PIAS3: variants seen among roughly 807,000 people sequenced by gnomAD.
The protein encoded by PIAS3 is E3 SUMO-protein ligase PIAS3.
A neutral mutation model predicts 67.6 loss-of-function variants in PIAS3; 34 were observed. That is an observed-to-expected ratio of 0.50 (90% CI 0.38 to 0.67). The LOEUF (loss-of-function observed/expected upper bound fraction) is 0.67. Ranked by LOEUF, PIAS3 falls within the 30% of genes least tolerant of loss-of-function variation. The pLI is 0.00. For missense variants in PIAS3, 693 were observed against 791.6 expected (o/e 0.88, Z 1.49); for synonymous variants, 341 against 313.8 (o/e 1.09, Z -0.92).
chr1:145,853,650 G>A lies in PIAS3; in HGVS notation c.999C>T (p.Arg333=). ...VSLMCPLGKM[R]LTVPCRALTC... Reference sequence around the variant, plus strand: ...TGAGGGCACGACAAGGGACAGTCAGGCGCATCTTCCCTAGCTGAGGAGAAG... The same window carrying A: ...TGAGGGCACGACAAGGGACAGTCAGACGCATCTTCCCTAGCTGAGGAGAAG... Residue 333 remains arginine (R), a synonymous_variant, in exon 9 of 14, where the codon CGC becomes CGT. Coordinates refer to ENST00000393045, the MANE Select transcript of PIAS3 (RefSeq NM_006099.3). 1 of 1,613,870 alleles carries A rather than the reference G, an allele frequency of 6.2e-7. No individual in the cohort carries two copies. The highest frequency in any genetic ancestry group is 8.5e-7 in the Non-Finnish European group (1 of 1,179,890).
chr1:145,850,429 T>A (rs782394470), intron 12 of PIAS3, 24 bp downstream of exon 12: 1 of 1,613,458 alleles, frequency 6.2e-7, no homozygotes, highest in Non-Finnish European at 8.5e-7. Flanking sequence ...CAGTGCAGGG[T>A]CCATCTTATG....
chr1:145,852,923 G>A (rs1264295406), intron 9 of PIAS3, among the ~76,000 whole-genome samples: 1 of 152,090 alleles, frequency 6.6e-6, no homozygotes, highest in African/African-American at 2.4e-5. Flanking sequence ...GATAACTCAT[G>A]CAAAGTGCTC....
In PIAS3 at chr1:145,855,070, G is replaced by A. The variant is rs1653112578; in HGVS notation, c.670-190C>T. Among the ~76,000 whole-genome samples the A allele has an allele frequency of 2.0e-5, 3 of 152,194 alleles. No homozygotes were observed. The South Asian group carries it at 6.2e-4, about 31-fold the overall frequency. Reference sequence around the variant, plus strand: ...GGAGCACTGTCTAGGGTTATGTGTGGGGTTCACTCCTGGGGAGAAAGGAGA... The same window carrying A: ...GGAGCACTGTCTAGGGTTATGTGTGAGGTTCACTCCTGGGGAGAAAGGAGA... On this transcript the variant is annotated intron_variant, in intron 5 of 13. Transcript: ENST00000393045.
At position 145,849,479 on chromosome 1, in the gene PIAS3, A is replaced by G; in HGVS notation, c.1854T>C (p.Thr618=). The change falls in exon 14 of 14, where the codon ACT becomes ACC. Residue 618 remains threonine (T), a synonymous_variant. Transcript: ENST00000393045. ...GGPLPSGPSL[T]GCRSDIISLD ...GGGAAATGATGTCTGACCGACAGCC[A>G]GTCAAAGAGGGACCTGAGGGCAGGG... The G allele has an allele frequency of 6.6e-7, 1 of 1,512,896 alleles. No homozygotes were observed. Among genetic ancestry groups the G allele is most frequent in the Non-Finnish European group, 8.8e-7 (1 of 1,134,216 alleles). The allele number at this position is 1,512,896 out of a possible 1,614,324, so 93.7% of individuals were successfully genotyped here.
chr1:145,857,461 G>C (rs1337300143), intron 1 of PIAS3: 1 of 167,012 alleles, frequency 6.0e-6, no homozygotes, highest in Admixed American at 5.7e-5. Context: ...AGAGACAAGA[G>C]GATTCAAGCC....
At chr1:145,852,528 C>T (rs1553734594) in intron 9 of PIAS3, among the ~76,000 whole-genome samples, 2 of 151,994 alleles carry the variant, frequency 1.3e-5, no homozygotes, top group East Asian at 1.9e-4. Context: ...AATGATACTA[C>T]CTATCTCATA....
At chr1:145,857,147 C>G (rs1350034328) in intron 1 of PIAS3, 141 bp from the exon 2 acceptor site, 1 of 750,042 alleles carries the variant, frequency 1.3e-6, no homozygotes, top group African/African-American at 1.8e-5. Context: ...TAGTGGATTA[C>G]TGCCAGGTAG....
At chr1:145,855,298 A>G (rs1449018668) in intron 5 of PIAS3, among the ~76,000 whole-genome samples, 1 of 152,090 alleles carries the variant, frequency 6.6e-6, no homozygotes, top group Admixed American at 6.5e-5. Context: ...CCTAGCTAAC[A>G]TGGTAAAACT....
Position 145,851,683 on chromosome 1 carries a change from G to A in PIAS3, c.1146-530C>T, listed in dbSNP as rs587655508. Among the ~76,000 whole-genome samples the A allele has an allele frequency of 3.3e-4, 49 of 148,928 alleles. No individual in the cohort carries two copies. In the South Asian group the frequency reaches 8.5e-3, roughly 26 times the overall value. On this transcript the variant is annotated intron_variant, in intron 9 of 13. Transcript: ENST00000393045. Reference sequence around the variant, plus strand: ...AAAAAAAAAAAAAAAAAAAGCCGGCGTGGTGGCTCACGCCTATAATCACAC... The same window carrying A: ...AAAAAAAAAAAAAAAAAAAGCCGGCATGGTGGCTCACGCCTATAATCACAC...
chr1:145,857,121 G>A (rs1175412431), intron 1 of PIAS3, 115 bp from the exon 2 acceptor site: 3 of 888,318 alleles, frequency 3.4e-6, no homozygotes, highest in East Asian at 2.4e-5. Context: ...TGATGGGAAA[G>A]ATGATGCTTC....
chr1:145,849,059 T>C lies in PIAS3; in HGVS notation c.*387A>G, dbSNP rs1652847982. On this transcript the variant is annotated 3_prime_UTR_variant, in exon 14 of 14. Coordinates refer to ENST00000393045, the MANE Select transcript of PIAS3 (RefSeq NM_006099.3). ...GAAATAGAGCCATGGGTTTGGGTAA[T>C]AAGAAGAGAGAGCATTTGGGGTTCA... The C allele has an allele frequency of 5.8e-6, 1 of 173,030 alleles. No homozygotes were observed. The highest frequency in any genetic ancestry group is 1.2e-5 in the Non-Finnish European group (1 of 82,254). 10.7% of individuals were successfully genotyped at this position (173,030 alleles called of 1,614,324 possible). A position where few individuals can be genotyped will look rare whatever the true frequency, so the allele number is the denominator to read the frequency against.
chr1:145,849,809 C>T (rs1652881739), intron 13 of PIAS3, 97 bp from the exon 14 acceptor site: 12 of 1,493,772 alleles, frequency 8.0e-6, no homozygotes, highest in Non-Finnish European at 1.1e-5. Flanking sequence ...CAATCAACCC[C>T]TGTGGATCCG....
chr1:145,852,684 G>C (rs781835617), intron 9 of PIAS3, among the ~76,000 whole-genome samples: 4 of 152,012 alleles, frequency 2.6e-5, no homozygotes, highest in Non-Finnish European at 4.4e-5. Flanking sequence ...TCAAACTCCT[G>C]GGTTCAAGCC....
chr1:145,854,346 G>A, intron 7 of PIAS3, 112 bp downstream of exon 7: 2 of 739,650 alleles, frequency 2.7e-6, no homozygotes, highest in Middle Eastern at 2.6e-4. Context: ...GGGTTCATGT[G>A]AGAAGGGGAG....
chr1:145,850,165 G>A (rs587670762), intron 13 of PIAS3, 67 bp downstream of exon 13: 2 of 1,610,106 alleles, frequency 1.2e-6, no homozygotes, highest in Non-Finnish European at 1.7e-6. Flanking sequence ...AGAGAGGGAG[G>A]GGCCCCATCA....
intron 12 of PIAS3, 21 bp downstream of exon 12, chr1:145,850,432 A>G: frequency 1.2e-6 from 2 of 1,613,942 alleles, no homozygotes; most frequent in East Asian, 2.2e-5. Context: ...TGCAGGGTCC[A>G]TCTTATGACC....
chr1:145,857,619 T>C (rs1653245844), intron 1 of PIAS3, among the ~76,000 whole-genome samples: 1 of 152,148 alleles, frequency 6.6e-6, no homozygotes, highest in Non-Finnish European at 1.5e-5. Context: ...GGTTCAATGC[T>C]CATAACTTCC....
Position 145,856,790 on chromosome 1 carries a change from G to C in PIAS3, c.241C>G (p.Pro81Ala), listed in dbSNP as rs782323751. 1 of 1,614,136 alleles carries C rather than the reference G, an allele frequency of 6.2e-7. No homozygotes were observed. Among genetic ancestry groups the C allele is most frequent in the Admixed American group, 1.7e-5 (1 of 60,020 alleles). ...GPSDLSLLSL[P>A]PGTSPVGSPG... ...GAGCCTACAGGAGAGGTGCCAGGGG[G>C]CAAAGAGAGAAGGGAGAGATCAGAG... Residue 81 changes from proline to alanine, a missense_variant, in exon 2 of 14, where the codon CCC (proline) becomes GCC (alanine). By Grantham distance (27) the Pro-to-Ala change is conservative. Around this residue, in one of 3 missense-constraint regions of PIAS3, gnomAD observed 308 missense variants for 348.8 expected, o/e 0.88. Transcript: ENST00000393045.
chr1:145,853,785 C>A (rs1553734877), intron 8 of PIAS3, 28 bp downstream of exon 8: 2 of 1,611,562 alleles, frequency 1.2e-6, no homozygotes, highest in African/African-American at 1.3e-5. Context: ...TCCCTTCCCA[C>A]CCTGTTCCCT....
Sources: allele counts gnomAD v4.1 joint callset (sites outside exome capture counted in the v4.1 genomes callset), GRCh38; gene constraint gnomAD v4.1.1; regional missense constraint gnomAD v4.1.1; transcripts MANE v1.5; gene names NCBI Gene and HGNC (gene_info 2026-07-23, HGNC 2026-07-21).